Variants in SH3GL2 observed in about 807,000 individuals in gnomAD.
The protein encoded by SH3GL2 is SH3 domain containing GRB2 like 2, endophilin A1, also known as endophilin-A1.
SH3GL2 carries 24 observed loss-of-function variants against 46.0 expected under a neutral mutation model. That is an observed-to-expected ratio of 0.52 (90% CI 0.38 to 0.73). The LOEUF is 0.73. Ranked by LOEUF, SH3GL2 falls within the 30% of genes least tolerant of loss-of-function variation. The probability of loss-of-function intolerance (pLI) is 0.00; values close to 1 mark genes in which losing one functional copy is unlikely to be tolerated. For synonymous variants in SH3GL2, 196 were observed against 147.1 expected (o/e 1.33, Z -2.40); for missense variants, 413 against 424.2 (o/e 0.97, Z 0.23).
chr9:17,742,197 T>C (rs1440089285), intron 1 of SH3GL2, among the ~76,000 whole-genome samples: 1 of 152,178 alleles, frequency 6.6e-6, no homozygotes, highest in South Asian at 2.1e-4. Flanking sequence ...GGCACAGTGG[T>C]TGGCTCTTAA....
At chr9:17,722,206 C>G (rs1489181602) in intron 1 of SH3GL2, among the ~76,000 whole-genome samples, 1 of 151,988 alleles carries the variant, frequency 6.6e-6, no homozygotes, top group Non-Finnish European at 1.5e-5. Flanking sequence ...TTAAGTTAAC[C>G]TCAGATCTGT....
intron 1 of SH3GL2, among the ~76,000 whole-genome samples, chr9:17,599,918 A>G (rs1015979135): frequency 6.6e-6 from 1 of 151,994 alleles, no homozygotes; most frequent in Non-Finnish European, 1.5e-5. Flanking sequence ...GGAAACGGGA[A>G]TAAATATCTA....
At chr9:17,619,451 G>A in intron 1 of SH3GL2, among the ~76,000 whole-genome samples, 1 of 152,204 alleles carries the variant, frequency 6.6e-6, no homozygotes, top group South Asian at 2.1e-4. Flanking sequence ...GCTGAGCCAG[G>A]CAGATTACCT....
chr9:17,785,675 GA>G (rs1377077167), intron 3 of SH3GL2, among the ~76,000 whole-genome samples: 1 of 152,060 alleles, frequency 6.6e-6, no homozygotes, highest in Non-Finnish European at 1.5e-5. Flanking sequence ...ACTAACACTG[GA>G]ATTGGTTTCT....
intron 1 of SH3GL2, among the ~76,000 whole-genome samples, chr9:17,631,852 C>G (rs937149611): frequency 4.6e-5 from 7 of 152,128 alleles, no homozygotes; most frequent in African/African-American, 7.2e-5. Context: ...CAGGCCTGCT[C>G]CTTGCTTACA....
chr9:17,586,584 C>G (rs1390712499), intron 1 of SH3GL2, among the ~76,000 whole-genome samples: 2 of 152,084 alleles, frequency 1.3e-5, no homozygotes, highest in Non-Finnish European at 2.9e-5. Flanking sequence ...TTCTGCATGG[C>G]TAGGGAGGGC....
rs1373575370 is a variant in SH3GL2 at position 17,631,565 on chromosome 9, A to T, written c.45+52278A>T. ...TTCTATCCTGGAGAAAACAAAGCCC[A>T]TCATACTGGATGTTCACATCAGCTG... On this transcript the variant is annotated intron_variant, in intron 1 of 8. Coordinates refer to ENST00000380607, the MANE Select transcript of SH3GL2 (RefSeq NM_003026.5). 7.2e-5 allele frequency among the ~76,000 whole-genome samples: 11 copies of T among 152,326 alleles called. No individual in the cohort carries two copies. In the East Asian group the frequency reaches 2.1e-3, roughly 29 times the overall value.
intron 1 of SH3GL2, among the ~76,000 whole-genome samples, chr9:17,745,802 A>T (rs112290690): frequency 1.3e-5 from 2 of 152,200 alleles, no homozygotes; most frequent in Non-Finnish European, 2.9e-5. Context: ...TGGGTTGGTC[A>T]TGGTAGGAAT....
At chr9:17,618,175 A>G (rs1036429088) in intron 1 of SH3GL2, among the ~76,000 whole-genome samples, 1 of 152,120 alleles carries the variant, frequency 6.6e-6, no homozygotes, top group African/African-American at 2.4e-5. Context: ...GTCTGGAGAC[A>G]TTTTTGGTTA....
At chr9:17,673,009 A>G (rs16935871) in intron 1 of SH3GL2, among the ~76,000 whole-genome samples, 3,908 of 152,270 alleles carry the variant, frequency 0.026, 73 homozygotes, top group African/African-American at 0.034. Flanking sequence ...ATTTGGCAGT[A>G]TCACTCGGCT....
chr9:17,635,559 G>C (rs1054719628), intron 1 of SH3GL2, among the ~76,000 whole-genome samples: 21 of 152,192 alleles, frequency 1.4e-4, no homozygotes, highest in African/African-American at 4.8e-4. Context: ...ATTTAATTCA[G>C]AGTTAAGTGC....
chr9:17,727,725 T>C (rs1822059400), intron 1 of SH3GL2, among the ~76,000 whole-genome samples: 1 of 152,162 alleles, frequency 6.6e-6, no homozygotes, highest in Non-Finnish European at 1.5e-5. Context: ...TGCTGAGGCA[T>C]GTTCTTCATG....
At chr9:17,652,283 G>T (rs528524314) in intron 1 of SH3GL2, among the ~76,000 whole-genome samples, 1 of 151,926 alleles carries the variant, frequency 6.6e-6, no homozygotes, top group East Asian at 1.9e-4. Context: ...GGATTTTATA[G>T]TTTCCCTCAT....
intron 2 of SH3GL2, among the ~76,000 whole-genome samples, chr9:17,757,577 G>A (rs117459694): frequency 0.016 from 2,375 of 152,310 alleles, 39 homozygotes; most frequent in Non-Finnish European, 0.027. Flanking sequence ...GTTGAAGACG[G>A]AGGCTCAGGA....
intron 1 of SH3GL2, among the ~76,000 whole-genome samples, chr9:17,718,323 C>T (rs1219675187): frequency 6.6e-6 from 1 of 152,072 alleles, no homozygotes; most frequent in African/African-American, 2.4e-5. Context: ...ATATGAAAAA[C>T]AAAATTAAGA....
chr9:17,608,695 C>T (rs780919671), intron 1 of SH3GL2, among the ~76,000 whole-genome samples: 8 of 152,132 alleles, frequency 5.3e-5, no homozygotes, highest in Non-Finnish European at 1.2e-4. Context: ...GTCTGTCTCT[C>T]CTTACATAAG....
At chr9:17,678,619 G>C (rs575155880) in intron 1 of SH3GL2, among the ~76,000 whole-genome samples, 2 of 152,284 alleles carry the variant, frequency 1.3e-5, no homozygotes, top group Non-Finnish European at 2.9e-5. Flanking sequence ...TTGCTGTGCA[G>C]AAGCTCTTTA....
chr9:17,654,885 A>G (rs1820037145), intron 1 of SH3GL2, among the ~76,000 whole-genome samples: 1 of 152,194 alleles, frequency 6.6e-6, no homozygotes, highest in African/African-American at 2.4e-5. Context: ...GACATTTTCC[A>G]TCTAAATTGT....
intron 1 of SH3GL2, among the ~76,000 whole-genome samples, chr9:17,582,644 G>A (rs979597630): frequency 1.3e-5 from 2 of 152,170 alleles, no homozygotes; most frequent in African/African-American, 4.8e-5. Context: ...CATTTTATGA[G>A]TTTGCTGGAG....
Sources: allele counts gnomAD v4.1 joint callset (sites outside exome capture counted in the v4.1 genomes callset), GRCh38; gene constraint gnomAD v4.1.1; transcripts MANE v1.5; gene names NCBI Gene and HGNC (gene_info 2026-07-23, HGNC 2026-07-21).